EPB41L3: variants seen among roughly 807,000 people sequenced by gnomAD.
EPB41L3 encodes band 4.1-like protein 3.
A neutral mutation model predicts 127.1 loss-of-function variants in EPB41L3; 57 were observed. The observed-to-expected ratio is 0.45, with a 90% CI of 0.36 to 0.56. The LOEUF (loss-of-function observed/expected upper bound fraction) is 0.56. EPB41L3 is among the 20% of genes least tolerant of loss of function. The pLI is 0.00. For missense variants in EPB41L3, 1,273 were observed against 1,372.2 expected (o/e 0.93, Z 1.14); for synonymous variants, 572 against 549.5 (o/e 1.04, Z -0.57).
chr18:5,527,230 G>T (rs553316316), intron 1 of EPB41L3, among the ~76,000 whole-genome samples: 1 of 152,102 alleles, frequency 6.6e-6, no homozygotes, highest in Non-Finnish European at 1.5e-5. Flanking sequence ...CTCATTGCTC[G>T]GTGGGGTAAG....
upstream of EPB41L3, among the ~76,000 whole-genome samples, chr18:5,545,046 A>G (rs1568553412): frequency 1.3e-5 from 2 of 152,208 alleles, no homozygotes; most frequent in Non-Finnish European, 1.5e-5. Flanking sequence ...GGAACACATT[A>G]GCATATCTAT....
At chr18:5,511,963 A>AAATCAGACACACC (rs2092548146) in intron 1 of EPB41L3, among the ~76,000 whole-genome samples, 1 of 152,254 alleles carries the variant, frequency 6.6e-6, no homozygotes, top group Admixed American at 6.5e-5. Context: ...AACTACTTCA[A>AAATCAGACACACC]AATCGCTTTC....
chr18:5,561,057 A>C (rs1263734509), intron 3 of EPB41L3, among the ~76,000 whole-genome samples: 2 of 146,760 alleles, frequency 1.4e-5, no homozygotes, highest in African/African-American at 2.5e-5. Flanking sequence ...GGCTCACTGC[A>C]AGCTCCGCCT....
intron 3 of EPB41L3, among the ~76,000 whole-genome samples, chr18:5,450,674 T>A (rs2146586925): frequency 6.6e-6 from 1 of 152,360 alleles, no homozygotes; most frequent in South Asian, 2.1e-4. Flanking sequence ...ATGATTTTAC[T>A]TTTATCATGA....
At chr18:5,454,429 T>C (rs1190600296) in intron 3 of EPB41L3, among the ~76,000 whole-genome samples, 2 of 152,074 alleles carry the variant, frequency 1.3e-5, no homozygotes, top group African/African-American at 4.8e-5. Context: ...CAATGCCACG[T>C]TTAATAAGCA....
rs2072698866 is a variant in EPB41L3, at chr18:5,393,334, T to C, written c.*151A>G. ...TGGGAAGATCTCTCTGCCAGTGTCT[T>C]TATTAATGGTCAAGGTCAATTCTTC... On this transcript the variant is annotated 3_prime_UTR_variant, in exon 23 of 23. Transcript: ENST00000341928. The C allele has an allele frequency of 1.3e-5, 7 of 526,922 alleles. No homozygotes were observed. The allele number at this position is 526,922 out of a possible 1,614,324, so 32.6% of individuals were successfully genotyped here.
intron 7 of EPB41L3, 90 bp downstream of exon 7, chr18:5,433,813 G>T: frequency 3.6e-6 from 5 of 1,402,454 alleles, no homozygotes; most frequent in Non-Finnish European, 5.0e-6. Flanking sequence ...GCCGTTAATG[G>T]ACTGAAATCA....
At chr18:5,492,045 C>T (rs777063427) in intron 1 of EPB41L3, among the ~76,000 whole-genome samples, 12 of 152,258 alleles carry the variant, frequency 7.9e-5, no homozygotes, top group Admixed American at 2.6e-4. Context: ...TCTGGCTGGG[C>T]GCAGTGGCTT....
chr18:5,606,441 T>C (rs2094653442), intron 3 of EPB41L3, among the ~76,000 whole-genome samples: 1 of 152,196 alleles, frequency 6.6e-6, no homozygotes, highest in Non-Finnish European at 1.5e-5. Context: ...CTTACATAGA[T>C]AATATTAAAA....
intron 7 of EPB41L3, 101 bp downstream of exon 7, chr18:5,433,802 C>T (rs993102959): frequency 9.9e-5 from 130 of 1,313,374 alleles, no homozygotes; most frequent in Middle Eastern, 1.8e-4. Context: ...GCTCACGTCT[C>T]GCCGTTAATG....
At position 5,416,316 on chromosome 18, in the gene EPB41L3, T is replaced by C. The variant is rs779482228; in HGVS notation, c.1569A>G (p.Thr523=). ...ACCTCCTACGGAGCTCTGTGGGAGA[T>C]GTGGGGGCACAATGGGTGGATGGGG... is the stretch of plus-strand genomic sequence containing the variant. ...LSPPSTHCAP[T]SPTELRRRCK... is the part of the protein sequence containing the mutation. The change falls in exon 13 of 23, where the codon ACA becomes ACG. Residue 523 remains threonine, a synonymous_variant. Coordinates refer to ENST00000341928, the MANE Select transcript of EPB41L3 (RefSeq NM_012307.5). 2.2e-5 allele frequency: 36 copies of C among 1,613,630 alleles called. No homozygotes were observed. The highest frequency in any genetic ancestry group is 2.9e-5 in the Non-Finnish European group (34 of 1,179,960).
intron 3 of EPB41L3, among the ~76,000 whole-genome samples, chr18:5,590,210 C>A (rs1236596189): frequency 6.6e-6 from 1 of 152,074 alleles, no homozygotes; most frequent in Non-Finnish European, 1.5e-5. Context: ...GGACAGGGAC[C>A]TCTGAGCTGC....
intron 16 of EPB41L3, among the ~76,000 whole-genome samples, chr18:5,404,833 A>G (rs2075093767): frequency 6.6e-6 from 1 of 152,206 alleles, no homozygotes; most frequent in Non-Finnish European, 1.5e-5. Context: ...CTTTAGAGCC[A>G]GTAAATTATT....
chr18:5,557,384 GT>G (rs757314347), intron 3 of EPB41L3, among the ~76,000 whole-genome samples: 50 of 151,750 alleles, frequency 3.3e-4, no homozygotes, highest in Non-Finnish European at 6.3e-4. Context: ...TTGTTTTTTT[GT>G]TTTGTTTTTG....
Position 5,611,710 on chromosome 18 carries a change from A to G in EPB41L3, c.-306+630T>C, listed in dbSNP as rs1040601688. Among the ~76,000 whole-genome samples, 13 of 152,236 alleles carry G rather than the reference A, an allele frequency of 8.5e-5. No individual in the cohort carries two copies. In the South Asian group the frequency reaches 2.7e-3, roughly 32 times the overall value. On this transcript the variant is annotated intron_variant, in intron 3 of 21. Transcript: ENST00000545076. ...TAGGAGGCTGAGGTGGGAGGATCAC[A>G]TGAGCCCAGGAGTTTGAGACCAGCC... is the stretch of plus-strand genomic sequence containing the variant.
intron 5 of EPB41L3, among the ~76,000 whole-genome samples, chr18:5,441,470 T>C (rs1183558298): frequency 1.3e-5 from 2 of 150,990 alleles, no homozygotes; most frequent in Admixed American, 1.3e-4. Flanking sequence ...CAATTTTTTT[T>C]TTTTTTTTTT....
intron 1 of EPB41L3, among the ~76,000 whole-genome samples, chr18:5,532,220 T>C (rs1212648884): frequency 6.6e-6 from 1 of 152,242 alleles, no homozygotes; most frequent in Non-Finnish European, 1.5e-5. Flanking sequence ...GCTCTGATTA[T>C]GCTCAGTGTT....
chr18:5,577,301 CA>C (rs1335001360), intron 3 of EPB41L3: 6 of 449,636 alleles, frequency 1.3e-5, no homozygotes, highest in Non-Finnish European at 2.7e-5. Context: ...CACAAGCATA[CA>C]TTAATGTTAG....
Position 5,621,611 on chromosome 18 carries a change from T to C in EPB41L3, c.-467-7188A>G, listed in dbSNP as rs116099753. 1.6e-4 allele frequency among the ~76,000 whole-genome samples: 25 copies of C among 152,230 alleles called. No individual in the cohort carries two copies. In the East Asian group the frequency reaches 4.8e-3, roughly 29 times the overall value. On this transcript the variant is annotated intron_variant, in intron 1 of 21. Transcript: ENST00000545076. ...AAAAAAATAGCGAGATATGGTGGCA[T>C]GTGCCTGTGGTCTCAGCTATTCGGG...
Sources: gnomAD v4.1 joint callset for allele counts (sites outside exome capture counted in the v4.1 genomes callset) on GRCh38, gnomAD v4.1.1 for gene constraint, MANE v1.5 for transcripts, NCBI Gene and HGNC (gene_info 2026-07-23, HGNC 2026-07-21) for gene names.